The following C11orf54 variants were observed in gnomAD, a reference collection of about 807,000 sequenced individuals.
C11orf54 encodes beta-keto-L-gulonate decarboxylase, also known as beta-keto L-gulonate decarboxylase.
A neutral mutation model predicts 35.5 loss-of-function variants in C11orf54; 29 were observed. The observed-to-expected ratio is 0.82, with a 90% confidence interval of 0.61 to 1.11. C11orf54 has a LOEUF of 1.11. Ranked by LOEUF, C11orf54 falls within the 50% of genes most tolerant of loss-of-function variation. C11orf54 has a pLI of 0.00. For synonymous variants in C11orf54, 108 were observed against 121.1 expected, an observed-to-expected ratio of 0.89 and a Z score of 0.71; for missense variants, 373 against 369.2, an observed-to-expected ratio of 1.01 and a Z score of -0.08.
chr11:93,753,073 G>T (rs1303382375), intron 3 of C11orf54, among the ~76,000 whole-genome samples: 1 of 151,884 alleles, frequency 6.6e-6, no homozygotes, highest in East Asian at 1.9e-4. Flanking sequence ...CTCTGCCCCC[G>T]CCGGGTTCAA....
chr11:93,755,033 G>A (rs2434978), intron 5 of C11orf54, 177 bp from the exon 6 acceptor site: 387,810 of 630,092 alleles, frequency 0.62, 122,763 homozygotes, highest in Admixed American at 0.72. Context: ...CACAGCGCCC[G>A]GCCTATAAAT....
At chr11:93,747,536 T>A in intron 2 of C11orf54, 88 bp downstream of exon 2, 4 of 675,838 alleles carry the variant, frequency 5.9e-6, no homozygotes, top group Non-Finnish European at 7.0e-6. Context: ...TATATCTTAC[T>A]ACTTATGTAT....
rs1351227556 is a variant in C11orf54 at position 93,763,311 on chromosome 11, CAATA to C, written c.*1628_*1631del. ...GGATCTGTCTAGTGGGGAAGACAAA[CAATA>C]AATATATAATATGTCAGGTGGTATT... On this transcript the variant is annotated 3_prime_UTR_variant, in exon 9 of 9. Coordinates refer to ENST00000354421, the MANE Select transcript of C11orf54 (RefSeq NM_001286069.2). 1 of 152,050 alleles carries C rather than the reference CAATA, an allele frequency of 6.6e-6. No homozygotes were observed. The highest frequency in any genetic ancestry group is 1.9e-4 in the East Asian group (1 of 5,180). 9.4% of individuals were successfully genotyped at this position (152,050 alleles called of 1,614,324 possible). A position where few individuals can be genotyped will look rare whatever the true frequency, so the allele number is the denominator to read the frequency against.
At chr11:93,753,835 T>C (rs1033089294) in intron 4 of C11orf54, 80 bp downstream of exon 4, 10 of 1,546,426 alleles carry the variant, frequency 6.5e-6, no homozygotes, top group Non-Finnish European at 8.9e-6. Context: ...AGAAGACCTG[T>C]TGATCAGTTG....
Position 93,761,623 on chromosome 11 carries a change from T to C in C11orf54, c.883T>C (p.Leu295=). The change falls in exon 9 of 9, where the codon TTA becomes CTA. Residue 295 remains leucine, a synonymous_variant. Coordinates refer to ENST00000354421, the MANE Select transcript of C11orf54 (RefSeq NM_001286069.2). ...TATAGTGGAATATCTTGGATACTTCTTACCTGCAGAGTTTCTCTATCGCAT... is the reference window on the plus strand; with the variant it reads ...TATAGTGGAATATCTTGGATACTTCCTACCTGCAGAGTTTCTCTATCGCAT... ...PDIVEYLGYF[L]PAEFLYRIDQ... The C allele has an allele frequency of 6.2e-7, 1 of 1,613,466 alleles. No individual in the cohort carries two copies. The highest frequency in any genetic ancestry group is 8.5e-7 in the Non-Finnish European group (1 of 1,179,694).
chr11:93,743,528 C>G (rs1366801579), intron 1 of C11orf54, among the ~76,000 whole-genome samples: 1 of 152,166 alleles, frequency 6.6e-6, no homozygotes, highest in African/African-American at 2.4e-5. Flanking sequence ...CCCAGGCCTG[C>G]TGCGCTCCAC....
chr11:93,764,464 G>A lies in C11orf54; in HGVS notation c.*2776G>A, dbSNP rs1943577735. The A allele has an allele frequency of 6.6e-6, 1 of 152,100 alleles. No homozygotes were observed. The highest frequency in any genetic ancestry group is 2.1e-4 in the South Asian group (1 of 4,820). 9.4% of individuals were successfully genotyped at this position (152,100 alleles called of 1,614,324 possible). A position where few individuals can be genotyped will look rare whatever the true frequency, so the allele number is the denominator to read the frequency against. On this transcript the variant is annotated 3_prime_UTR_variant, in exon 9 of 9. Coordinates refer to ENST00000354421, the MANE Select transcript of C11orf54 (RefSeq NM_001286069.2). ...TATTTCGTCCTTTTAAGTTTCTGTG[G>A]TTTTGTGTACATTTCTTACGTTAGG...
At chr11:93,751,087 C>A (rs1436792076) in intron 3 of C11orf54, among the ~76,000 whole-genome samples, 1 of 152,108 alleles carries the variant, frequency 6.6e-6, no homozygotes, top group African/African-American at 2.4e-5. Context: ...AAAGTCTAAC[C>A]CCCTCCTGTT....
chr11:93,748,824 A>G (rs1942634890), intron 2 of C11orf54, among the ~76,000 whole-genome samples: 1 of 141,982 alleles, frequency 7.0e-6, no homozygotes, highest in Non-Finnish European at 1.5e-5. Flanking sequence ...CAACAACACG[A>G]GACTCAGTCT....
chr11:93,758,256 G>C (rs1480079079), intron 7 of C11orf54, among the ~76,000 whole-genome samples: 2 of 152,172 alleles, frequency 1.3e-5, no homozygotes, highest in East Asian at 3.9e-4. Flanking sequence ...GTTGGCGCTG[G>C]AGCTCCGTTG....
intron 3 of C11orf54, among the ~76,000 whole-genome samples, chr11:93,751,164 A>G (rs1036859480): frequency 6.6e-6 from 1 of 152,204 alleles, no homozygotes; most frequent in African/African-American, 2.4e-5. Context: ...TGTAATTAAC[A>G]TCTTTGCTAA....
intron 8 of C11orf54, among the ~76,000 whole-genome samples, chr11:93,760,944 C>T (rs1943433439): frequency 6.6e-6 from 1 of 152,196 alleles, no homozygotes; most frequent in African/African-American, 2.4e-5. Context: ...CAGGCATGAG[C>T]TACTCCGCCT....
At chr11:93,747,608 C>G (rs1942551634) in intron 2 of C11orf54, among the ~76,000 whole-genome samples, 160 bp downstream of exon 2, 1 of 151,386 alleles carries the variant, frequency 6.6e-6, no homozygotes, top group Admixed American at 6.6e-5. Context: ...ATTTCAGTAT[C>G]TGTTCTGTCC....
intron 7 of C11orf54, among the ~76,000 whole-genome samples, chr11:93,758,403 G>A (rs556640344): frequency 6.6e-6 from 1 of 152,176 alleles, no homozygotes; most frequent in Non-Finnish European, 1.5e-5. Context: ...TGGGTCTCCC[G>A]CTCCACGGAG....
intron 4 of C11orf54, 90 bp downstream of exon 4, chr11:93,753,845 G>A: frequency 6.6e-7 from 1 of 1,518,182 alleles, no homozygotes; most frequent in Non-Finnish European, 9.1e-7. Flanking sequence ...TTGATCAGTT[G>A]GCAAGGAAGT....
chr11:93,748,411 G>A (rs1165958080), intron 2 of C11orf54, among the ~76,000 whole-genome samples: 1 of 152,072 alleles, frequency 6.6e-6, no homozygotes, highest in Non-Finnish European at 1.5e-5. Flanking sequence ...GCCACCCAAA[G>A]TGTTGGGATT....
chr11:93,758,054 A>G (rs1943246693), intron 7 of C11orf54, among the ~76,000 whole-genome samples: 1 of 152,232 alleles, frequency 6.6e-6, no homozygotes, highest in South Asian at 2.1e-4. Flanking sequence ...TCATGCCTGT[A>G]ATCCCAGCAC....
At chr11:93,743,926 A>C (rs924735340) in intron 1 of C11orf54, among the ~76,000 whole-genome samples, 2 of 152,098 alleles carry the variant, frequency 1.3e-5, no homozygotes, top group African/African-American at 4.8e-5. Flanking sequence ...CCTGGAGTTT[A>C]TGTGAGAACC....
At chr11:93,761,263 A>G (rs1308691091) in intron 8 of C11orf54, among the ~76,000 whole-genome samples, 8 of 152,228 alleles carry the variant, frequency 5.3e-5, no homozygotes, top group Admixed American at 3.9e-4. Flanking sequence ...AAATAAAAGT[A>G]AGTATTTATG....
Sources: allele counts gnomAD v4.1 joint callset (sites outside exome capture counted in the v4.1 genomes callset), GRCh38; gene constraint gnomAD v4.1.1; transcripts MANE v1.5; gene names NCBI Gene and HGNC (gene_info 2026-07-23, HGNC 2026-07-21).